The following FGF12 variants were observed in gnomAD, a reference collection of about 807,000 sequenced individuals.
FGF12 encodes fibroblast growth factor 12B.
FGF12 carries 14 observed loss-of-function variants against 23.6 expected under a neutral mutation model. The ratio of observed to expected loss-of-function variants is 0.59; its 90% CI spans 0.39 to 0.93. The LOEUF (loss-of-function observed/expected upper bound fraction) is 0.93. FGF12 is among the 40% of genes least tolerant of loss of function. The pLI is 0.00. For missense variants in FGF12, 175 were observed against 217.8 expected, an observed-to-expected ratio of 0.80 and a Z score of 1.24; for synonymous variants, 62 against 77.3, an observed-to-expected ratio of 0.80 and a Z score of 1.04.
chr3:192,449,743 G>A (rs1722465974), intron 2 of FGF12, among the ~76,000 whole-genome samples: 1 of 152,258 alleles, frequency 6.6e-6, no homozygotes, highest in African/African-American at 2.4e-5. Context: ...CCAGAAGGCA[G>A]GTTTCCAGCA....
At chr3:192,479,257 A>G (rs1181071459) in intron 2 of FGF12, among the ~76,000 whole-genome samples, 1 of 152,184 alleles carries the variant, frequency 6.6e-6, no homozygotes, top group Non-Finnish European at 1.5e-5. Flanking sequence ...TTAGAGTCTA[A>G]CACCATCATC....
At chr3:192,327,137 T>A (rs1716859963) in intron 4 of FGF12, among the ~76,000 whole-genome samples, 2 of 152,168 alleles carry the variant, frequency 1.3e-5, no homozygotes, top group African/African-American at 2.4e-5. Context: ...CAGCTCTTCA[T>A]CAATATCTAC....
At chr3:192,551,399 C>G (rs974271672) in intron 2 of FGF12, among the ~76,000 whole-genome samples, 1 of 152,180 alleles carries the variant, frequency 6.6e-6, no homozygotes, top group Non-Finnish European at 1.5e-5. Flanking sequence ...CCCTCAGGCC[C>G]TTGGCCAAAA....
At chr3:192,379,947 T>A (rs1046645368) in intron 2 of FGF12, among the ~76,000 whole-genome samples, 2 of 152,232 alleles carry the variant, frequency 1.3e-5, no homozygotes, top group African/African-American at 4.8e-5. Flanking sequence ...GATTTTATTA[T>A]GTTTTAGTTA....
At chr3:192,208,682 A>C (rs1024328391) in intron 4 of FGF12, among the ~76,000 whole-genome samples, 1 of 152,240 alleles carries the variant, frequency 6.6e-6, no homozygotes, top group East Asian at 1.9e-4. Flanking sequence ...TTTCAATTTT[A>C]AAACAAAAAA....
chr3:192,513,831 G>A (rs1220292119), intron 2 of FGF12, among the ~76,000 whole-genome samples: 5 of 152,118 alleles, frequency 3.3e-5, no homozygotes, highest in Admixed American at 3.3e-4. Flanking sequence ...AACTGAATTA[G>A]CCCTTGCAAG....
rs75904690 is a variant in FGF12 at position 192,192,931 on chromosome 3, A to C, written c.229-22275T>G. Among the ~76,000 whole-genome samples the C allele has an allele frequency of 3.3e-3, 509 of 152,334 alleles. 8 individuals carry two copies. Among genetic ancestry groups the C allele is most frequent in the East Asian group, 0.032 (164 of 5,186 alleles). On this transcript the variant is annotated intron_variant, in intron 4 of 5. Transcript: ENST00000445105. ...GTCAATAAAAATGAAATTAATGACA[A>C]TATATAATCATGTAAGCAGCAGTGT...
rs1033379431 is a variant in FGF12, at chr3:192,162,201, G to T, written c.427+8257C>A. 7.9e-5 allele frequency among the ~76,000 whole-genome samples: 12 copies of T among 152,142 alleles called. No individual in the cohort carries two copies. The South Asian group carries it at 2.3e-3, about 29-fold the overall frequency. ...TTAATAGCAGATCATAGAAGGGTGT[G>T]GGAAATTTACCTAAAGCAATTTCAC... On this transcript the variant is annotated intron_variant, in intron 5 of 5. Transcript: ENST00000445105.
intron 2 of FGF12, among the ~76,000 whole-genome samples, chr3:192,411,004 C>T (rs1049664566): frequency 6.6e-6 from 1 of 152,192 alleles, no homozygotes; most frequent in Non-Finnish European, 1.5e-5. Flanking sequence ...CTTCACGAAG[C>T]ATCTAGGATA....
intron 2 of FGF12, among the ~76,000 whole-genome samples, chr3:192,652,541 T>G (rs1716251613): frequency 6.6e-6 from 1 of 152,254 alleles, no homozygotes; most frequent in Non-Finnish European, 1.5e-5. Context: ...GTTTACTTGC[T>G]CTTGGCTTCG....
At chr3:192,403,729 A>G (rs1720852449) in intron 2 of FGF12, among the ~76,000 whole-genome samples, 1 of 152,146 alleles carries the variant, frequency 6.6e-6, no homozygotes, top group Non-Finnish European at 1.5e-5. Context: ...ATTTCAATTT[A>G]TAAAAATCTA....
intron 2 of FGF12, among the ~76,000 whole-genome samples, chr3:192,644,214 T>C (rs1208701666): frequency 1.3e-5 from 2 of 152,214 alleles, no homozygotes; most frequent in Non-Finnish European, 1.5e-5. Context: ...ATCATGTCCA[T>C]ACATTTTTAG....
At chr3:192,420,805 T>C (rs1721502600) in intron 2 of FGF12, among the ~76,000 whole-genome samples, 1 of 152,178 alleles carries the variant, frequency 6.6e-6, no homozygotes, top group Admixed American at 6.6e-5. Context: ...TCAAATGGGC[T>C]GCTACACTTA....
chr3:192,671,531 A>G (rs1236477474), intron 2 of FGF12, among the ~76,000 whole-genome samples: 1 of 152,216 alleles, frequency 6.6e-6, no homozygotes, highest in Non-Finnish European at 1.5e-5. Flanking sequence ...ACTAATAGGC[A>G]GAAACACCCA....
At chr3:192,517,446 G>A (rs559060456) in intron 2 of FGF12, among the ~76,000 whole-genome samples, 10 of 152,290 alleles carry the variant, frequency 6.6e-5, no homozygotes, top group Admixed American at 5.2e-4. Context: ...TGCAAAGCAG[G>A]AAAGACAACT....
intron 4 of FGF12, among the ~76,000 whole-genome samples, chr3:192,194,083 G>A (rs1396151764): frequency 1.3e-5 from 2 of 152,078 alleles, no homozygotes; most frequent in East Asian, 1.9e-4. Flanking sequence ...AAATCTGAGC[G>A]GTTTTAAATG....
At chr3:192,479,066 G>C (rs1054151971) in intron 2 of FGF12, among the ~76,000 whole-genome samples, 1 of 152,176 alleles carries the variant, frequency 6.6e-6, no homozygotes, top group Admixed American at 6.5e-5. Context: ...TCATGCAGAT[G>C]AGTGTTCTTA....
At chr3:192,210,545 C>G (rs1271077373) in intron 4 of FGF12, among the ~76,000 whole-genome samples, 1 of 152,194 alleles carries the variant, frequency 6.6e-6, no homozygotes. Flanking sequence ...ATAGAGTACA[C>G]AGAAAAGAGA....
intron 2 of FGF12, among the ~76,000 whole-genome samples, chr3:192,399,044 C>T (rs894661503): frequency 1.3e-5 from 2 of 151,608 alleles, no homozygotes; most frequent in Admixed American, 6.6e-5. Context: ...ATCAAGAAGA[C>T]GAGGCATGCA....
Sources: allele counts gnomAD v4.1 joint callset (sites outside exome capture counted in the v4.1 genomes callset), GRCh38; gene constraint gnomAD v4.1.1; transcripts MANE v1.5; gene names NCBI Gene and HGNC (gene_info 2026-07-23, HGNC 2026-07-21).